The following SLC5A1 variants were observed in gnomAD, a reference collection of about 807,000 sequenced individuals.
SLC5A1 encodes the protein sodium/glucose cotransporter 1.
In SLC5A1, 42 loss-of-function variants were observed where a neutral mutation model predicts 73.5. The ratio of observed to expected loss-of-function variants is 0.57; its 90% CI spans 0.45 to 0.74. The LOEUF (loss-of-function observed/expected upper bound fraction) is 0.74. Among genes scored for constraint, SLC5A1 ranks in the 30% least tolerant of loss-of-function variants. SLC5A1 has a pLI of 0.00. For synonymous variants in SLC5A1, 300 were observed against 317.4 expected (o/e 0.95, Z 0.58); for missense variants, 634 against 855.4 (o/e 0.74, Z 3.23).
chr22:32,069,692 G>GT (rs2093979711), intron 5 of SLC5A1, among the ~76,000 whole-genome samples: 1 of 152,136 alleles, frequency 6.6e-6, no homozygotes, highest in South Asian at 2.1e-4. Flanking sequence ...AAAGGGGGGA[G>GT]TTAGGGATAT....
intron 2 of SLC5A1, among the ~76,000 whole-genome samples, chr22:32,061,905 G>T (rs1421770769): frequency 1.3e-5 from 2 of 152,156 alleles, no homozygotes; most frequent in Admixed American, 6.5e-5. Context: ...GAACAACAAT[G>T]GTGATGAGAA....
At chr22:32,066,068 C>T (rs1023249602) in intron 2 of SLC5A1, among the ~76,000 whole-genome samples, 2 of 152,186 alleles carry the variant, frequency 1.3e-5, no homozygotes, top group Non-Finnish European at 2.9e-5. Flanking sequence ...AATTGAATTG[C>T]TGACACAGTA....
intron 10 of SLC5A1, among the ~76,000 whole-genome samples, chr22:32,086,549 C>T (rs536999845): frequency 2.0e-5 from 3 of 152,256 alleles, no homozygotes; most frequent in Non-Finnish European, 4.4e-5. Flanking sequence ...GGGACTTGCC[C>T]ATCAGTCAGG....
intron 2 of SLC5A1, among the ~76,000 whole-genome samples, chr22:32,050,766 T>G (rs2093944075): frequency 6.6e-6 from 1 of 152,142 alleles, no homozygotes. Context: ...ACTCCAGGAT[T>G]GAAATTACAA....
intron 12 of SLC5A1, among the ~76,000 whole-genome samples, chr22:32,101,640 G>A (rs1273450421): frequency 6.6e-6 from 1 of 152,192 alleles, no homozygotes; most frequent in Non-Finnish European, 1.5e-5. Flanking sequence ...TAAATCTGGA[G>A]ATTGGTGTTG....
chr22:32,061,138 T>C (rs867890764), intron 2 of SLC5A1, among the ~76,000 whole-genome samples: 21 of 152,296 alleles, frequency 1.4e-4, no homozygotes, highest in Middle Eastern at 3.4e-3. Context: ...TAATTGTCAG[T>C]AGCGGCTGGC....
chr22:32,097,691 A>C (rs1417199527), intron 11 of SLC5A1, among the ~76,000 whole-genome samples: 1 of 152,200 alleles, frequency 6.6e-6, no homozygotes, highest in Non-Finnish European at 1.5e-5. Flanking sequence ...CAATAATAAT[A>C]GTTTTTACTA....
chr22:32,091,300 C>T lies in SLC5A1; in HGVS notation c.1130-312C>T, dbSNP rs1316733989. ...TCAGATGGAAACACACATACACAAA[C>T]ACACACACACACACACACACACACA... is the stretch of plus-strand genomic sequence containing the variant. On this transcript the variant is annotated intron_variant, in intron 10 of 14. Coordinates refer to ENST00000266088, the MANE Select transcript of SLC5A1 (RefSeq NM_000343.4). Among the ~76,000 whole-genome samples, 36 of 18,272 alleles carry T rather than the reference C, an allele frequency of 2.0e-3. No homozygotes were observed. The African/African-American group carries it at 0.022, about 11-fold the overall frequency. The allele number at this position is 18,272 out of a possible 152,430, so 12.0% of individuals were successfully genotyped here. A position where few individuals can be genotyped will look rare whatever the true frequency, so the allele number is the denominator to read the frequency against.
At chr22:32,067,913 AG>A in intron 3 of SLC5A1, 53 bp from the exon 4 acceptor site, 1 of 1,581,422 alleles carries the variant, frequency 6.3e-7, no homozygotes, top group African/African-American at 1.3e-5. Context: ...TTCAGGTGGC[AG>A]GGATGGGCTA....
At chr22:32,109,959 T>C in intron 14 of SLC5A1, 31 bp from the exon 15 acceptor site, 1 of 1,581,320 alleles carries the variant, frequency 6.3e-7, no homozygotes, top group South Asian at 1.1e-5. Flanking sequence ...CCTGCTTCTG[T>C]GTCCAATAAT....
rs201259641 is a variant in SLC5A1, at chr22:32,050,033, G to C, written c.207+19G>C. ...GTGGCCGGTAAGTTTTCTCTGAAAT[G>C]CTATTTACATAACTGCTTAACTGAT... On this transcript the variant is annotated intron_variant, in intron 2 of 14. Coordinates refer to ENST00000266088, the MANE Select transcript of SLC5A1 (RefSeq NM_000343.4). 5 of 1,604,832 alleles carry C rather than the reference G, an allele frequency of 3.1e-6. No homozygotes were observed. Among genetic ancestry groups the C allele is most frequent in the African/African-American group, 2.7e-5 (2 of 74,754 alleles).
chr22:32,104,949 A>C (rs1389944086), intron 14 of SLC5A1, 58 bp downstream of exon 14: 3 of 1,197,032 alleles, frequency 2.5e-6, no homozygotes, highest in Non-Finnish European at 3.7e-6. Context: ...CAACAACAAG[A>C]CTTTACTGAA....
intron 5 of SLC5A1, among the ~76,000 whole-genome samples, chr22:32,079,480 C>T (rs1162571492): frequency 6.6e-6 from 1 of 152,144 alleles, no homozygotes; most frequent in Non-Finnish European, 1.5e-5. Context: ...TCATTTATAG[C>T]ATTATCTTAT....
At chr22:32,086,408 C>T (rs1466636497) in intron 10 of SLC5A1, 81 bp downstream of exon 10, 2 of 944,704 alleles carry the variant, frequency 2.1e-6, no homozygotes, top group Non-Finnish European at 3.5e-6. Flanking sequence ...TTCCTGTGAA[C>T]CTTCTGGGCA....
rs373304486 is a variant in SLC5A1, at chr22:32,108,030, C to T, written c.1772-1960C>T. Among the ~76,000 whole-genome samples the T allele has an allele frequency of 8.5e-5, 13 of 152,200 alleles. No individual in the cohort carries two copies. In the South Asian group the frequency reaches 1.0e-3, roughly 12 times the overall value. On this transcript the variant is annotated intron_variant, in intron 14 of 14. Coordinates refer to ENST00000266088, the MANE Select transcript of SLC5A1 (RefSeq NM_000343.4). The stretch of plus-strand genomic sequence containing the variant: ...TGCATCATCCTCTTAAGGCAGATAA[C>T]GCAAGTACAATTCTTCCAATTTTCC...
chr22:32,093,452 C>A (rs1006052305), intron 11 of SLC5A1, among the ~76,000 whole-genome samples: 3 of 152,164 alleles, frequency 2.0e-5, no homozygotes, highest in Admixed American at 1.3e-4. Context: ...GATGTGTTTC[C>A]ATTTGTTTGT....
chr22:32,110,283 T>C lies in SLC5A1; in HGVS notation c.*70T>C, dbSNP rs2094054134. On this transcript the variant is annotated 3_prime_UTR_variant, in exon 15 of 15. Coordinates refer to ENST00000266088, the MANE Select transcript of SLC5A1 (RefSeq NM_000343.4). ...ACCTTCCTTTAGTCTCGTCCTGTGG[T>C]GTTGAAGGGAAATCAGCCAGTTGTA... 2 of 1,246,908 alleles carry C rather than the reference T, an allele frequency of 1.6e-6. No homozygotes were observed. The highest frequency in any genetic ancestry group is 1.5e-5 in the African/African-American group (1 of 68,214). The allele number at this position is 1,246,908 out of a possible 1,614,324, so 77.2% of individuals were successfully genotyped here.
intron 5 of SLC5A1, among the ~76,000 whole-genome samples, chr22:32,079,555 C>G (rs2093996323): frequency 6.6e-6 from 1 of 152,172 alleles, no homozygotes; most frequent in African/African-American, 2.4e-5. Context: ...GTATCACAGT[C>G]TACGATGGCA....
At chr22:32,064,495 T>C (rs4821031) in intron 2 of SLC5A1, among the ~76,000 whole-genome samples, 6,714 of 150,154 alleles carry the variant, frequency 0.045, 203 homozygotes, top group Non-Finnish European at 0.07. Context: ...AACCCTGTCT[T>C]AGGAAAAAAA....
Sources: allele counts gnomAD v4.1 joint callset (sites outside exome capture counted in the v4.1 genomes callset), GRCh38; gene constraint gnomAD v4.1.1; transcripts MANE v1.5; gene names NCBI Gene and HGNC (gene_info 2026-07-23, HGNC 2026-07-21).